Variants in ADGRL2 observed in about 807,000 individuals in gnomAD.
ADGRL2 encodes the protein calcium-independent alpha-latrotoxin receptor 2.
In ADGRL2, 44 loss-of-function variants were observed where a neutral mutation model predicts 157.4. That is an observed-to-expected ratio of 0.28 (90% CI 0.22 to 0.36). The LOEUF is 0.36. ADGRL2 is among the 10% of genes least tolerant of loss of function. The probability of loss-of-function intolerance (pLI) is 1.00; values close to 1 mark genes in which losing one functional copy is unlikely to be tolerated. For missense variants in ADGRL2, 1,510 were observed against 1,768.9 expected (o/e 0.85, Z 2.63); for synonymous variants, 585 against 624.7 (o/e 0.94, Z 0.95).
Position 81,787,904 on chromosome 1 carries a change from A to G in ADGRL2, c.-101+26052A>G, listed in dbSNP as rs192514676. ...CTATTCAATATATTTCTTCATATGT[A>G]TATTGACAGTATAATTCACACTTTT... On this transcript the variant is annotated intron_variant, in intron 2 of 20. Coordinates refer to the ADGRL2 transcript ENST00000359929. Among the ~76,000 whole-genome samples, 6 of 152,308 alleles carry G rather than the reference A, an allele frequency of 3.9e-5. No individual in the cohort carries two copies. In the East Asian group the frequency reaches 1.2e-3, roughly 29 times the overall value.
chr1:81,396,586 GA>G (rs1320394614), intron 1 of ADGRL2, among the ~76,000 whole-genome samples: 1 of 152,126 alleles, frequency 6.6e-6, no homozygotes, highest in African/African-American at 2.4e-5. Flanking sequence ...AATTCTTAGA[GA>G]AAAAGCTTTC....
At chr1:81,987,163 C>T (rs12092934) in intron 22 of ADGRL2, 134 bp downstream of exon 22, 43,949 of 1,321,804 alleles carry the variant, frequency 0.033, 837 homozygotes, top group African/African-American at 0.045. Flanking sequence ...AAAAAAATTA[C>T]GGTATTGTCT....
chr1:81,716,265 G>A (rs75151756), intron 1 of ADGRL2, among the ~76,000 whole-genome samples: 2,270 of 152,232 alleles, frequency 0.015, 61 homozygotes, highest in African/African-American at 0.052. Context: ...TGCTTGATCA[G>A]TTCTGCTATA....
intron 3 of ADGRL2, among the ~76,000 whole-genome samples, chr1:81,587,251 A>T (rs193233131): frequency 2.5e-4 from 38 of 152,260 alleles, no homozygotes; most frequent in Middle Eastern, 6.8e-3. Context: ...AACAATAACA[A>T]AGAATATGAC....
At position 81,671,783 on chromosome 1, in the gene ADGRL2, G is replaced by A. The variant is rs562758454; in HGVS notation, c.-142-90028G>A. Among the ~76,000 whole-genome samples the A allele has an allele frequency of 2.3e-3, 354 of 152,302 alleles. 2 individuals are homozygous for A. The highest frequency in any genetic ancestry group is 8.1e-3 in the African/African-American group (335 of 41,568). On this transcript the variant is annotated intron_variant, in intron 3 of 24. Transcript: ENST00000370721. The stretch of plus-strand genomic sequence containing the variant: ...CCACCTTGGCCTCCCAAAGTGCTGG[G>A]ATTACAGGTGTGAGCCACCACGCCC...
chr1:81,503,972 C>CT (rs2078912549), intron 2 of ADGRL2, among the ~76,000 whole-genome samples: 1 of 152,192 alleles, frequency 6.6e-6, no homozygotes, highest in African/African-American at 2.4e-5. Context: ...GGTTGGTGCC[C>CT]TTCCAGCCCA....
intron 2 of ADGRL2, among the ~76,000 whole-genome samples, chr1:81,455,993 T>C (rs748825773): frequency 4.6e-5 from 7 of 152,232 alleles, no homozygotes; most frequent in Non-Finnish European, 8.8e-5. Flanking sequence ...AGTTTCAAAC[T>C]TTCTGATTTT....
intron 2 of ADGRL2, among the ~76,000 whole-genome samples, chr1:81,571,887 G>T (rs145053979): frequency 6.6e-6 from 1 of 152,206 alleles, no homozygotes; most frequent in Non-Finnish European, 1.5e-5. Flanking sequence ...CACATGCTCC[G>T]CACCCCCCAG....
intron 1 of ADGRL2, among the ~76,000 whole-genome samples, chr1:81,730,850 T>A (rs2084698386): frequency 6.6e-6 from 1 of 152,204 alleles, no homozygotes; most frequent in Non-Finnish European, 1.5e-5. Flanking sequence ...TTTTTTGTTG[T>A]TTCATTCTTT....
intron 18 of ADGRL2, among the ~76,000 whole-genome samples, chr1:81,980,547 A>G (rs1346734356): frequency 6.6e-6 from 1 of 151,846 alleles, no homozygotes; most frequent in Non-Finnish European, 1.5e-5. Flanking sequence ...TACCTTTAAA[A>G]TATGTGAGCC....
intron 3 of ADGRL2, among the ~76,000 whole-genome samples, chr1:81,644,092 T>G (rs1237154765): frequency 1.3e-5 from 2 of 152,154 alleles, no homozygotes; most frequent in Non-Finnish European, 2.9e-5. Context: ...AGTCAACTGA[T>G]CTTTCCAAGA....
chr1:81,407,757 C>T (rs923057377), intron 1 of ADGRL2, among the ~76,000 whole-genome samples: 6 of 152,002 alleles, frequency 3.9e-5, no homozygotes, highest in African/African-American at 1.5e-4. Context: ...TCCAAGAGGA[C>T]TTGATGGTAT....
intron 3 of ADGRL2, among the ~76,000 whole-genome samples, chr1:81,582,219 CA>C (rs944133339): frequency 7.9e-5 from 12 of 151,132 alleles, no homozygotes; most frequent in Admixed American, 2.0e-4. Context: ...GACTCTGTCT[CA>C]AAAAAAATTT....
At chr1:81,985,397 G>T (rs1212637640) in intron 21 of ADGRL2, 42 bp downstream of exon 21, 7 of 1,038,122 alleles carry the variant, frequency 6.7e-6, no homozygotes, top group Non-Finnish European at 8.9e-6. Flanking sequence ...ATTTATTAAA[G>T]TACATATAAG....
chr1:81,405,371 G>A (rs1325031636), intron 1 of ADGRL2, among the ~76,000 whole-genome samples: 1 of 152,122 alleles, frequency 6.6e-6, no homozygotes, highest in Non-Finnish European at 1.5e-5. Flanking sequence ...TGTGATATTG[G>A]AAAATACTAT....
At chr1:81,567,210 C>T (rs1260532610) in intron 2 of ADGRL2, among the ~76,000 whole-genome samples, 2 of 152,072 alleles carry the variant, frequency 1.3e-5, no homozygotes, top group Admixed American at 6.6e-5. Context: ...CTGCACTGTT[C>T]AACATAGTAG....
At chr1:81,477,299 T>A (rs1208455966) in intron 2 of ADGRL2, among the ~76,000 whole-genome samples, 1 of 152,186 alleles carries the variant, frequency 6.6e-6, no homozygotes, top group East Asian at 1.9e-4. Flanking sequence ...CCAGAATTAC[T>A]CCTAACACCT....
chr1:81,505,759 A>G (rs897340144), intron 2 of ADGRL2, among the ~76,000 whole-genome samples: 1 of 151,472 alleles, frequency 6.6e-6, no homozygotes, highest in African/African-American at 2.4e-5. Context: ...AAAAAAAAAA[A>G]AAAATAGGAG....
chr1:81,593,996 G>A (rs552416390), intron 3 of ADGRL2, among the ~76,000 whole-genome samples: 36 of 152,262 alleles, frequency 2.4e-4, no homozygotes, highest in Admixed American at 2.6e-4. Flanking sequence ...AGACAACTAT[G>A]TATGTATGTA....
Sources: allele counts gnomAD v4.1 joint callset (sites outside exome capture counted in the v4.1 genomes callset), GRCh38; gene constraint gnomAD v4.1.1; transcripts MANE v1.5; gene names NCBI Gene and HGNC (gene_info 2026-07-23, HGNC 2026-07-21).